The following RABL3 variants were observed in gnomAD, a reference collection of about 807,000 sequenced individuals.
RABL3 encodes the protein RAB, member of RAS oncogene family like 3, also known as rab-like protein 3.
A neutral mutation model predicts 31.8 loss-of-function variants in RABL3; 31 were observed. The observed-to-expected ratio is 0.97, with a 90% CI of 0.73 to 1.31. RABL3 has a LOEUF of 1.31. RABL3 is among the 40% of genes most tolerant of loss of function. The pLI is 0.00. For synonymous variants in RABL3, 97 were observed against 99.9 expected (o/e 0.97, Z 0.18); for missense variants, 263 against 279.6 (o/e 0.94, Z 0.42).
At chr3:120,740,735 C>T (rs1207605271) in intron 1 of RABL3, among the ~76,000 whole-genome samples, 1 of 152,120 alleles carries the variant, frequency 6.6e-6, no homozygotes, top group Non-Finnish European at 1.5e-5. Flanking sequence ...GACAAAATTA[C>T]CTTTTAAAAA....
At chr3:120,729,238 G>C (rs1203353090) in intron 2 of RABL3, among the ~76,000 whole-genome samples, 7 of 152,170 alleles carry the variant, frequency 4.6e-5, no homozygotes, top group Non-Finnish European at 1.0e-4. Context: ...GCTACAATCA[G>C]ATGCTGGAGG....
rs1708372628 is a variant in RABL3, at chr3:120,690,893, TAA to T, written c.607-408_607-407del. On this transcript the variant is annotated intron_variant, in intron 6 of 7. Coordinates refer to ENST00000273375, the MANE Select transcript of RABL3 (RefSeq NM_173825.5). ...TGCTACAATAGTCTTGTCTATTTCT[TAA>T]AGAGGGGACTGTTTAACATAGCAAA... Among the ~76,000 whole-genome samples the T allele has an allele frequency of 2.6e-5, 4 of 152,282 alleles. No individual in the cohort carries two copies. The South Asian group carries it at 8.3e-4, about 32-fold the overall frequency.
rs190340176 is a variant in RABL3, at chr3:120,689,464, T to C, written c.*359A>G. 4.2e-4 allele frequency: 73 copies of C among 172,548 alleles called. No individual in the cohort carries two copies. The highest frequency in any genetic ancestry group is 1.6e-3 in the African/African-American group (69 of 42,440). 10.7% of individuals were successfully genotyped at this position (172,548 alleles called of 1,614,324 possible). On this transcript the variant is annotated 3_prime_UTR_variant, in exon 8 of 8. Coordinates refer to ENST00000273375, the MANE Select transcript of RABL3 (RefSeq NM_173825.5). ...AAGTACTTAATTAAGCTTTCAGCAA[T>C]GAGTGTGGGAAAATTACAGACCCAT...
chr3:120,737,067 G>T (rs1168731982), intron 1 of RABL3, among the ~76,000 whole-genome samples: 1 of 152,126 alleles, frequency 6.6e-6, no homozygotes, highest in Non-Finnish European at 1.5e-5. Flanking sequence ...TTTGAATGTT[G>T]GCCTGCCTTG....
chr3:120,730,868 A>G, intron 1 of RABL3, 81 bp from the exon 2 acceptor site: 1 of 864,798 alleles, frequency 1.2e-6, no homozygotes, highest in South Asian at 1.4e-5. Context: ...AATACTACAC[A>G]GGAATAATGT....
At chr3:120,726,549 T>C (rs1435202833) in intron 2 of RABL3, among the ~76,000 whole-genome samples, 1 of 152,066 alleles carries the variant, frequency 6.6e-6, no homozygotes, top group Non-Finnish European at 1.5e-5. Flanking sequence ...GAGACCAGCC[T>C]AGCCAACATG....
chr3:120,711,261 C>A (rs1309514677), intron 2 of RABL3, among the ~76,000 whole-genome samples: 1 of 152,156 alleles, frequency 6.6e-6, no homozygotes, highest in Non-Finnish European at 1.5e-5. Flanking sequence ...CAATTTTATT[C>A]TTCCAGTTAC....
At position 120,692,558 on chromosome 3, in the gene RABL3, C is replaced by T. The variant is rs372345831; in HGVS notation, c.606+1595G>A. ...TGATGTATAGAAAACTGGGTGAAAT[C>T]TGGTTGTCAGCTCCTTTGGTTTCAG... On this transcript the variant is annotated intron_variant, in intron 6 of 7. Transcript: ENST00000273375. Among the ~76,000 whole-genome samples the T allele has an allele frequency of 8.1e-4, 124 of 152,278 alleles. 1 individual carries two copies. The highest frequency in any genetic ancestry group is 2.8e-3 in the African/African-American group (118 of 41,554).
At chr3:120,700,693 T>C (rs1267320973) in intron 4 of RABL3, among the ~76,000 whole-genome samples, 1 of 152,072 alleles carries the variant, frequency 6.6e-6, no homozygotes, top group African/African-American at 2.4e-5. Context: ...AAAGTATATA[T>C]GGATGAAATG....
intron 1 of RABL3, 49 bp downstream of exon 1, chr3:120,742,413 G>A: frequency 6.4e-7 from 1 of 1,570,826 alleles, no homozygotes; most frequent in Non-Finnish European, 8.8e-7. Context: ...GAGGGTTACT[G>A]GGTAACTCAA....
At chr3:120,716,476 C>T (rs1446649652) in intron 2 of RABL3, among the ~76,000 whole-genome samples, 1 of 152,146 alleles carries the variant, frequency 6.6e-6, no homozygotes, top group Non-Finnish European at 1.5e-5. Flanking sequence ...TCACTGCTAT[C>T]ATCTCTATTT....
chr3:120,695,776 C>T (rs568089701), intron 5 of RABL3, among the ~76,000 whole-genome samples: 6 of 152,228 alleles, frequency 3.9e-5, no homozygotes, highest in South Asian at 4.1e-4. Context: ...AGCTAGTCAT[C>T]AGAATGTCAA....
intron 1 of RABL3, among the ~76,000 whole-genome samples, chr3:120,735,825 G>T (rs1708953833): frequency 6.6e-6 from 1 of 152,142 alleles, no homozygotes; most frequent in Non-Finnish European, 1.5e-5. Context: ...TCAGGAGTAG[G>T]TTGTTCAGTT....
intron 1 of RABL3, among the ~76,000 whole-genome samples, chr3:120,733,400 T>G (rs1033456403): frequency 2.2e-4 from 33 of 151,458 alleles, no homozygotes; most frequent in Admixed American, 2.0e-3. Context: ...GCCCACGTGT[T>G]GATGGGGTTG....
chr3:120,724,457 G>C (rs1313163097), intron 2 of RABL3, among the ~76,000 whole-genome samples: 1 of 152,168 alleles, frequency 6.6e-6, no homozygotes, highest in Non-Finnish European at 1.5e-5. Context: ...CTACTTTAAA[G>C]TTCATATGGA....
chr3:120,698,404 C>G lies in RABL3; in HGVS notation c.534+19G>C, dbSNP rs778294830. ...TTTACCCGATAATAATACAAGCATGCATTAGTGAAAATACATACCAAATTA... is the reference window on the plus strand; with the variant it reads ...TTTACCCGATAATAATACAAGCATGGATTAGTGAAAATACATACCAAATTA... On this transcript the variant is annotated intron_variant, in intron 5 of 7. Transcript: ENST00000273375. The G allele has an allele frequency of 3.8e-6, 6 of 1,598,160 alleles. No individual in the cohort carries two copies. Among genetic ancestry groups the G allele is most frequent in the Non-Finnish European group, 5.1e-6 (6 of 1,167,970 alleles).
chr3:120,732,962 T>C (rs1192472869), intron 1 of RABL3, among the ~76,000 whole-genome samples: 8 of 152,192 alleles, frequency 5.3e-5, no homozygotes, highest in African/African-American at 1.4e-4. Context: ...CAGTCTATCA[T>C]TGATGGACAT....
At position 120,688,457 on chromosome 3, in the gene RABL3, ACTCT is replaced by A. The variant is rs1182878898; in HGVS notation, c.*1362_*1365del. 1 of 152,366 alleles carries A rather than the reference ACTCT, an allele frequency of 6.6e-6. No homozygotes were observed. The highest frequency in any genetic ancestry group is 1.5e-5 in the Non-Finnish European group (1 of 68,032). 9.4% of individuals were successfully genotyped at this position (152,366 alleles called of 1,614,324 possible). Reference sequence around the variant, plus strand: ...TTCCCAAGACTGCCTTTCTAAAAGGACTCTCTAACATTCTTATTTTAATATCCTC... The same window carrying A: ...TTCCCAAGACTGCCTTTCTAAAAGGACTAACATTCTTATTTTAATATCCTC... On this transcript the variant is annotated 3_prime_UTR_variant, in exon 8 of 8. Coordinates refer to ENST00000273375, the MANE Select transcript of RABL3 (RefSeq NM_173825.5).
At chr3:120,716,779 G>A (rs1708675327) in intron 2 of RABL3, among the ~76,000 whole-genome samples, 5 of 152,140 alleles carry the variant, frequency 3.3e-5, no homozygotes, top group African/African-American at 1.2e-4. Context: ...AGGTAACAGT[G>A]CTCTCCCAAG....
Sources: allele counts gnomAD v4.1 joint callset (sites outside exome capture counted in the v4.1 genomes callset), GRCh38; gene constraint gnomAD v4.1.1; transcripts MANE v1.5; gene names NCBI Gene and HGNC (gene_info 2026-07-23, HGNC 2026-07-21).